ROBO1: variants seen among roughly 807,000 people sequenced by gnomAD.
ROBO1 encodes roundabout homolog 1.
A neutral mutation model predicts 195.9 loss-of-function variants in ROBO1; 149 were observed. That is an observed-to-expected ratio of 0.76 (90% CI 0.67 to 0.87). The LOEUF (loss-of-function observed/expected upper bound fraction) is 0.87, where lower values mean the gene tolerates loss of function less well. Among genes scored for constraint, ROBO1 ranks in the 40% least tolerant of loss-of-function variants. The probability of loss-of-function intolerance (pLI) is 0.00; values close to 1 mark genes in which losing one functional copy is unlikely to be tolerated. For missense variants in ROBO1, 1,933 were observed against 2,068.3 expected (o/e 0.93, Z 1.27); for synonymous variants, 816 against 733.2 (o/e 1.11, Z -1.82).
chr3:79,291,640 C>T (rs2032256557), intron 2 of ROBO1, among the ~76,000 whole-genome samples: 1 of 152,158 alleles, frequency 6.6e-6, no homozygotes, highest in African/African-American at 2.4e-5. Flanking sequence ...ACATTTACAT[C>T]TTCAATGCAT....
At chr3:78,711,950 A>C (rs2081762891) in intron 8 of ROBO1, among the ~76,000 whole-genome samples, 1 of 150,042 alleles carries the variant, frequency 6.7e-6, no homozygotes, top group Middle Eastern at 3.5e-3. Context: ...CCTAGAGTCA[A>C]GAGAGGAATA....
chr3:78,902,224 C>T lies in ROBO1; in HGVS notation c.499+36377G>A, dbSNP rs140246450. On this transcript the variant is annotated intron_variant, in intron 4 of 30. Coordinates refer to ENST00000464233, the MANE Select transcript of ROBO1 (RefSeq NM_002941.4). ...ATAAATAAATGTAAGAAAATATATG[C>T]TTATATTTTTAGTATGTGGTAAAGC... Among the ~76,000 whole-genome samples the T allele has an allele frequency of 2.8e-3, 429 of 152,128 alleles. 5 individuals carry two copies. The highest frequency in any genetic ancestry group is 9.5e-3 in the African/African-American group (394 of 41,498).
chr3:78,683,558 A>G (rs2107809574), intron 10 of ROBO1, among the ~76,000 whole-genome samples: 1 of 152,032 alleles, frequency 6.6e-6, no homozygotes, highest in Non-Finnish European at 1.5e-5. Flanking sequence ...CGGGCGTGGT[A>G]GCTCATACCT....
intron 30 of ROBO1, among the ~76,000 whole-genome samples, chr3:78,599,659 A>G (rs1703052558): frequency 6.6e-6 from 1 of 152,144 alleles, no homozygotes; most frequent in Admixed American, 6.6e-5. Flanking sequence ...CAGACTAGGC[A>G]TACACTTTCA....
At chr3:79,436,686 AAG>A (rs2038901251) in intron 2 of ROBO1, among the ~76,000 whole-genome samples, 1 of 152,066 alleles carries the variant, frequency 6.6e-6, no homozygotes, top group African/African-American at 2.4e-5. Flanking sequence ...GATATTTTAA[AAG>A]AGTGTTTGAA....
intron 2 of ROBO1, among the ~76,000 whole-genome samples, chr3:79,211,032 G>A (rs888907368): frequency 6.6e-6 from 1 of 152,052 alleles, no homozygotes; most frequent in Non-Finnish European, 1.5e-5. Flanking sequence ...TATGTAATAG[G>A]AAAATCTTTA....
At chr3:78,982,449 T>C (rs1401376191) in intron 3 of ROBO1, among the ~76,000 whole-genome samples, 1 of 152,164 alleles carries the variant, frequency 6.6e-6, no homozygotes, top group African/African-American at 2.4e-5. Flanking sequence ...CATTTTTGCA[T>C]CATACACACG....
At chr3:79,018,407 C>G (rs1256986634) in intron 3 of ROBO1, 2 of 1,613,692 alleles carry the variant, frequency 1.2e-6, no homozygotes, top group Admixed American at 1.7e-5. Context: ...GCGGGGTTAC[C>G]TGAACAGAGA....
At chr3:79,549,991 G>C (rs1316829265) in intron 2 of ROBO1, among the ~76,000 whole-genome samples, 2 of 151,586 alleles carry the variant, frequency 1.3e-5, no homozygotes, top group African/African-American at 4.9e-5. Context: ...TGGACTAGAT[G>C]GCTTGAGCCT....
intron 3 of ROBO1, among the ~76,000 whole-genome samples, chr3:79,005,367 T>A (rs1270483733): frequency 2.6e-5 from 4 of 152,222 alleles, no homozygotes; most frequent in African/African-American, 9.6e-5. Context: ...AGTAATGCTC[T>A]TAATGATCCC....
intron 3 of ROBO1, among the ~76,000 whole-genome samples, chr3:79,104,419 T>C (rs1300566344): frequency 6.6e-6 from 1 of 151,794 alleles, no homozygotes; most frequent in African/African-American, 2.4e-5. Context: ...CTGATAAATA[T>C]GCCTGATGTT....
At chr3:79,006,204 A>T (rs1389184955) in intron 3 of ROBO1, among the ~76,000 whole-genome samples, 1 of 152,246 alleles carries the variant, frequency 6.6e-6, no homozygotes, top group African/African-American at 2.4e-5. Flanking sequence ...AAACATAAAC[A>T]GTAAAACTGA....
intron 2 of ROBO1, among the ~76,000 whole-genome samples, chr3:79,574,386 G>GAAATTTTGCTACCAT (rs550846781): frequency 2.6e-4 from 40 of 151,588 alleles, no homozygotes; most frequent in Non-Finnish European, 4.7e-4. Flanking sequence ...AATGACTCTT[G>GAAATTTTGCTACCAT]AAATTTTGCT....
intron 2 of ROBO1, among the ~76,000 whole-genome samples, chr3:79,494,993 C>G (rs1460565737): frequency 6.6e-6 from 1 of 151,234 alleles, no homozygotes; most frequent in Non-Finnish European, 1.5e-5. Flanking sequence ...AATGGATCAC[C>G]ATCTGACATA....
chr3:78,883,323 A>G (rs757796476), intron 4 of ROBO1, among the ~76,000 whole-genome samples: 27 of 152,082 alleles, frequency 1.8e-4, no homozygotes, highest in Non-Finnish European at 7.3e-5. Context: ...TGACTTCCAA[A>G]TGCTTCTTTA....
At chr3:78,962,421 T>C (rs2041399526) in intron 3 of ROBO1, among the ~76,000 whole-genome samples, 1 of 152,198 alleles carries the variant, frequency 6.6e-6, no homozygotes, top group East Asian at 1.9e-4. Flanking sequence ...TTGCACAATA[T>C]TTCCCTAATA....
At chr3:79,472,221 C>T (rs1236176160) in intron 2 of ROBO1, among the ~76,000 whole-genome samples, 1 of 152,066 alleles carries the variant, frequency 6.6e-6, no homozygotes, top group Non-Finnish European at 1.5e-5. Flanking sequence ...ATGGATTTCT[C>T]TCCCTCCAAC....
chr3:79,012,521 G>A (rs1023478081), intron 3 of ROBO1, among the ~76,000 whole-genome samples: 7 of 152,036 alleles, frequency 4.6e-5, no homozygotes, highest in Non-Finnish European at 7.4e-5. Flanking sequence ...ATTATTTTCC[G>A]GCTCTAAGCC....
intron 1 of ROBO1, among the ~76,000 whole-genome samples, chr3:79,737,857 A>G (rs1703452759): frequency 6.6e-6 from 1 of 152,186 alleles, no homozygotes; most frequent in Non-Finnish European, 1.5e-5. Context: ...TCTTTCTGCA[A>G]TTCTAAGAAT....
Sources: allele counts gnomAD v4.1 joint callset (sites outside exome capture counted in the v4.1 genomes callset), GRCh38; gene constraint gnomAD v4.1.1; transcripts MANE v1.5; gene names NCBI Gene and HGNC (gene_info 2026-07-23, HGNC 2026-07-21).